AUTS2: variants seen among roughly 807,000 people sequenced by gnomAD.
AUTS2 encodes the protein autism susceptibility gene 2 protein.
Under a neutral mutation model 112.4 loss-of-function variants are expected in AUTS2, and 17 were observed. That is an observed-to-expected ratio of 0.15 (90% CI 0.10 to 0.23). AUTS2 has a LOEUF of 0.23. Among genes scored for constraint, AUTS2 ranks in the 10% least tolerant of loss-of-function variants. AUTS2 has a pLI of 1.00. For synonymous variants in AUTS2, 751 were observed against 702.7 expected, an observed-to-expected ratio of 1.07 and a Z score of -1.09; for missense variants, 1,510 against 1,701.6, an observed-to-expected ratio of 0.89 and a Z score of 1.98.
chr7:70,455,828 C>T (rs888135243), intron 5 of AUTS2, among the ~76,000 whole-genome samples: 1 of 152,120 alleles, frequency 6.6e-6, no homozygotes, highest in Non-Finnish European at 1.5e-5. Context: ...GTACAGGAAT[C>T]TATATTTCTA....
In AUTS2 at chr7:70,790,276, C is replaced by T; in HGVS notation, c.3060C>T (p.Ala1020=). 6.2e-7 allele frequency: 1 copy of T among 1,613,352 alleles called. No individual in the cohort carries two copies. The highest frequency in any genetic ancestry group is 8.5e-7 in the Non-Finnish European group (1 of 1,179,934). Residue 1020 remains alanine (A), a synonymous_variant, in exon 19 of 19, where the codon GCC becomes GCT. Transcript: ENST00000342771. The surrounding 1 kb of genome is among the most constrained non-coding windows in gnomAD (Gnocchi z 7.6). ...CCAGCGTGCACCCGGGGCCCCTGGC[C>T]TCGATGCCCATGACGGTGGGGGTGA... ...SSSSVHPGPL[A]SMPMTVGVTG...
At position 70,481,676 on chromosome 7, in the gene AUTS2, C is replaced by T. The variant is rs1343970206; in HGVS notation, c.690+45895C>T. Among the ~76,000 whole-genome samples the T allele has an allele frequency of 3.9e-5, 6 of 152,284 alleles. 1 individual carries two copies. The highest frequency in any genetic ancestry group is 2.1e-4 in the South Asian group (1 of 4,822). On this transcript the variant is annotated intron_variant, in intron 5 of 18. Transcript: ENST00000342771. ...TCTGTCGGCCACATCAAAATCAATA[C>T]GTCCCCTGTGTATTCTGCCATGATT... is the stretch of plus-strand genomic sequence containing the variant.
chr7:70,687,937 AGT>A (rs1808552166), intron 5 of AUTS2, among the ~76,000 whole-genome samples: 1 of 152,240 alleles, frequency 6.6e-6, no homozygotes, highest in African/African-American at 2.4e-5. Context: ...TGGGCTGAAC[AGT>A]GTGGAAGGCA....
At position 69,926,424 on chromosome 7, in the gene AUTS2, A is replaced by G. The variant is rs1251219941; in HGVS notation, c.522+26926A>G. The stretch of plus-strand genomic sequence containing the variant: ...TCCCTGGTAATAGTCTTTGCTCTGA[A>G]ATCTATCTGTCTGTCTGTCTGTCTA... On this transcript the variant is annotated intron_variant, in intron 2 of 18. Transcript: ENST00000342771. Among the ~76,000 whole-genome samples, 4 of 148,904 alleles carry G rather than the reference A, an allele frequency of 2.7e-5. No homozygotes were observed. In the East Asian group the frequency reaches 7.9e-4, roughly 29 times the overall value.
intron 1 of AUTS2, among the ~76,000 whole-genome samples, chr7:69,731,365 T>C (rs1786783694): frequency 1.3e-5 from 2 of 152,106 alleles, no homozygotes; most frequent in Admixed American, 1.3e-4. Context: ...ATTAAACAAG[T>C]GCCACTTAAG....
intron 5 of AUTS2, among the ~76,000 whole-genome samples, chr7:70,676,440 AAG>A (rs144253423): frequency 5.3e-5 from 8 of 150,280 alleles, no homozygotes; most frequent in East Asian, 1.9e-4. Context: ...TCAAAAAATA[AAG>A]AGAGAGAGAG....
chr7:69,861,890 G>T (rs1221055448), intron 1 of AUTS2, among the ~76,000 whole-genome samples: 1 of 152,158 alleles, frequency 6.6e-6, no homozygotes, highest in Non-Finnish European at 1.5e-5. Context: ...TAGACTTTTG[G>T]TGATGGAGTT....
chr7:69,730,019 T>TTA (rs10684332), intron 1 of AUTS2, among the ~76,000 whole-genome samples: 11 of 132,092 alleles, frequency 8.3e-5, no homozygotes, highest in East Asian at 2.2e-4. Flanking sequence ...TTTTTTTTTT[T>TTA]AGAAACTAGG....
chr7:70,320,902 C>G (rs1354041580), intron 4 of AUTS2, among the ~76,000 whole-genome samples: 3 of 152,170 alleles, frequency 2.0e-5, no homozygotes, highest in Non-Finnish European at 4.4e-5. Context: ...GTCTGTCCAT[C>G]TCATCTCTCC....
At chr7:70,380,299 G>A (rs1793309099) in intron 4 of AUTS2, among the ~76,000 whole-genome samples, 1 of 151,674 alleles carries the variant, frequency 6.6e-6, no homozygotes, top group Non-Finnish European at 1.5e-5. Flanking sequence ...GAGACCAAAA[G>A]GGCTTAAAAT....
At chr7:70,262,168 A>T (rs892155520) in intron 4 of AUTS2, among the ~76,000 whole-genome samples, 2 of 152,136 alleles carry the variant, frequency 1.3e-5, no homozygotes, top group Non-Finnish European at 2.9e-5. Context: ...TTTTAATTTT[A>T]GTTTTTTAAA....
intron 5 of AUTS2, among the ~76,000 whole-genome samples, chr7:70,480,621 A>G (rs1797755045): frequency 6.6e-6 from 1 of 152,182 alleles, no homozygotes; most frequent in Non-Finnish European, 1.5e-5. Context: ...GCACTTGATC[A>G]GTCAGGCAGT....
At chr7:70,559,027 T>C (rs1351255377) in intron 5 of AUTS2, among the ~76,000 whole-genome samples, 1 of 152,192 alleles carries the variant, frequency 6.6e-6, no homozygotes, top group Non-Finnish European at 1.5e-5. Context: ...TGGGAGGTAA[T>C]TGAATCACAG....
chr7:70,686,941 C>G (rs1220342206), intron 5 of AUTS2, among the ~76,000 whole-genome samples: 1 of 152,174 alleles, frequency 6.6e-6, no homozygotes, highest in Non-Finnish European at 1.5e-5. Context: ...CATTATTTTC[C>G]TCAATCTGTC....
intron 5 of AUTS2, among the ~76,000 whole-genome samples, chr7:70,678,006 C>T (rs983388705): frequency 3.9e-5 from 6 of 151,998 alleles, no homozygotes; most frequent in Non-Finnish European, 8.8e-5. Flanking sequence ...GGCGTGAACC[C>T]GGGAGGCGGA....
intron 2 of AUTS2, among the ~76,000 whole-genome samples, chr7:70,095,813 C>T (rs1042064929): frequency 3.3e-5 from 5 of 152,044 alleles, no homozygotes; most frequent in Non-Finnish European, 5.9e-5. Context: ...AGTGGTTTGC[C>T]ATTTACGAGG....
chr7:70,479,754 C>T (rs1797717543), intron 5 of AUTS2, among the ~76,000 whole-genome samples: 1 of 152,140 alleles, frequency 6.6e-6, no homozygotes, highest in African/African-American at 2.4e-5. Context: ...GAAGCCTAAT[C>T]TATAAAACAA....
At chr7:69,722,952 A>C (rs1383747730) in intron 1 of AUTS2, among the ~76,000 whole-genome samples, 1 of 151,994 alleles carries the variant, frequency 6.6e-6, no homozygotes, top group Non-Finnish European at 1.5e-5. Flanking sequence ...TGCAGTTTTA[A>C]AGCTTTTTGC....
intron 2 of AUTS2, among the ~76,000 whole-genome samples, chr7:69,918,685 A>G (rs1795689268): frequency 6.6e-6 from 1 of 152,202 alleles, no homozygotes; most frequent in South Asian, 2.1e-4. Context: ...TAAAAGGTTT[A>G]TTTGAGGTAA....
Sources: allele counts gnomAD v4.1 joint callset (sites outside exome capture counted in the v4.1 genomes callset), GRCh38; gene constraint gnomAD v4.1.1; non-coding constraint Gnocchi (gnomAD v3.1); transcripts MANE v1.5; gene names NCBI Gene and HGNC (gene_info 2026-07-23, HGNC 2026-07-21).